The following GRIN2B variants were observed in gnomAD, a reference collection of about 807,000 sequenced individuals.
GRIN2B encodes glutamate receptor ionotropic, NMDA 2B.
A neutral mutation model predicts 114.5 loss-of-function variants in GRIN2B; 5 were observed. The observed-to-expected ratio is 0.04, with a 90% CI of 0.02 to 0.09. GRIN2B has a LOEUF of 0.09. GRIN2B is among the 10% of genes least tolerant of loss of function. GRIN2B has a pLI of 1.00. For synonymous variants in GRIN2B, 787 were observed against 745.1 expected (o/e 1.06, Z -0.92); for missense variants, 1,108 against 1,943.5 (o/e 0.57, Z 8.08).
intron 3 of GRIN2B, among the ~76,000 whole-genome samples, chr12:13,847,470 G>A (rs1258511903): frequency 6.6e-6 from 1 of 152,126 alleles, no homozygotes; most frequent in East Asian, 1.9e-4. Flanking sequence ...CAAAAGTCAA[G>A]AGCAGACCAC....
At chr12:13,909,049 G>A (rs902380571) in intron 2 of GRIN2B, among the ~76,000 whole-genome samples, 2 of 151,980 alleles carry the variant, frequency 1.3e-5, no homozygotes, top group East Asian at 3.9e-4. Context: ...TGTAACAAAC[G>A]CAGGCTCCAA....
At chr12:13,944,776 TA>T (rs1867332986) in intron 2 of GRIN2B, among the ~76,000 whole-genome samples, 2 of 152,178 alleles carry the variant, frequency 1.3e-5, no homozygotes, top group Admixed American at 6.5e-5. Flanking sequence ...CATAGAAATA[TA>T]AAGGCTTTCA....
chr12:13,607,501 A>G (rs1289575267), intron 10 of GRIN2B, among the ~76,000 whole-genome samples: 1 of 123,612 alleles, frequency 8.1e-6, no homozygotes, highest in African/African-American at 3.2e-5. Context: ...TTCTCAAGAT[A>G]CTATTTATCT....
At chr12:13,746,034 T>A (rs77252419) in intron 4 of GRIN2B, among the ~76,000 whole-genome samples, 24,921 of 151,586 alleles carry the variant, frequency 0.16, 2,603 homozygotes, top group Non-Finnish European at 0.24. Context: ...ACAAAAAAAA[T>A]TTTTTAAATA....
At chr12:13,802,208 A>G (rs1864528849) in intron 3 of GRIN2B, among the ~76,000 whole-genome samples, 2 of 152,136 alleles carry the variant, frequency 1.3e-5, no homozygotes. Context: ...AGAATAACAT[A>G]CTATTCACAA....
intron 3 of GRIN2B, among the ~76,000 whole-genome samples, chr12:13,776,715 A>G (rs1864010453): frequency 6.6e-6 from 1 of 152,160 alleles, no homozygotes; most frequent in African/African-American, 2.4e-5. Context: ...CGGAGACAAG[A>G]GAATAAGCAG....
In GRIN2B at chr12:13,872,973, T is replaced by G. The variant is rs369580461; in HGVS notation, c.-18-6747A>C. On this transcript the variant is annotated intron_variant, in intron 2 of 13. Coordinates refer to ENST00000609686, the MANE Select transcript of GRIN2B (RefSeq NM_000834.5). ...TTCTTATCAAAATAATAGTAAGATT[T>G]TAAAAGAAATGCTATAAATTTATTC... 9.9e-4 allele frequency among the ~76,000 whole-genome samples: 150 copies of G among 152,192 alleles called. 3 individuals are homozygous for G. In the South Asian group the frequency reaches 0.025, roughly 26 times the overall value.
intron 2 of GRIN2B, among the ~76,000 whole-genome samples, chr12:13,926,200 A>G (rs1866907823): frequency 6.6e-6 from 1 of 152,128 alleles, no homozygotes; most frequent in African/African-American, 2.4e-5. Context: ...CAGAATGACC[A>G]GGCCAGGGAA....
At chr12:13,836,387 T>C (rs1042490409) in intron 3 of GRIN2B, among the ~76,000 whole-genome samples, 19 of 152,204 alleles carry the variant, frequency 1.2e-4, no homozygotes, top group African/African-American at 4.3e-4. Flanking sequence ...ACATTTTATT[T>C]ATTCAAAAAA....
chr12:13,771,442 A>T (rs190204704), intron 3 of GRIN2B, among the ~76,000 whole-genome samples: 10 of 152,228 alleles, frequency 6.6e-5, no homozygotes, highest in Non-Finnish European at 1.3e-4. Context: ...CAAGGTAACA[A>T]AGCAATAATT....
rs864309560 is a variant in GRIN2B, at chr12:13,567,193, G to A, written c.2430C>T (p.Ser810=). ...CCATGTTGTCAATGTCCAGCTGGCTGCTCATGACCTCATTCTTCTCATTGT... is the reference window on the plus strand; with the variant it reads ...CCATGTTGTCAATGTCCAGCTGGCTACTCATGACCTCATTCTTCTCATTGT... The part of the protein sequence containing the change: ...ICHNEKNEVM[S]SQLDIDNMAG... Residue 810 remains serine, a synonymous_variant, in exon 13 of 14, where the codon AGC becomes AGT. Coordinates refer to ENST00000609686, the MANE Select transcript of GRIN2B (RefSeq NM_000834.5). 6.2e-7 allele frequency: 1 copy of A among 1,614,138 alleles called. No individual in the cohort carries two copies. Among genetic ancestry groups the A allele is most frequent in the Non-Finnish European group, 8.5e-7 (1 of 1,179,996 alleles).
chr12:13,539,262 C>T lies in GRIN2B; in HGVS notation c.*23521G>A, dbSNP rs1186120438. The T allele has an allele frequency of 6.6e-6, 1 of 152,202 alleles. No homozygotes were observed. Among genetic ancestry groups the T allele is most frequent in the Non-Finnish European group, 1.5e-5 (1 of 68,038 alleles). The allele number at this position is 152,202 out of a possible 1,614,324, so 9.4% of individuals were successfully genotyped here. A position where few individuals can be genotyped will look rare whatever the true frequency, so the allele number is the denominator to read the frequency against. Reference sequence around the variant, plus strand: ...CCAGGGCTGCCATACATGAGCTCACCCAGGCTCCTTGGCCATGAGACAGAG... The same window carrying T: ...CCAGGGCTGCCATACATGAGCTCACTCAGGCTCCTTGGCCATGAGACAGAG... On this transcript the variant is annotated 3_prime_UTR_variant, in exon 14 of 14. Coordinates refer to ENST00000609686, the MANE Select transcript of GRIN2B (RefSeq NM_000834.5).
intron 10 of GRIN2B, among the ~76,000 whole-genome samples, chr12:13,584,848 G>C (rs1392003592): frequency 1.3e-5 from 2 of 152,208 alleles, no homozygotes; most frequent in South Asian, 4.1e-4. Flanking sequence ...GTGTGTGACA[G>C]GTGGCCTTCG....
chr12:13,626,894 A>G (rs114112697), intron 5 of GRIN2B, among the ~76,000 whole-genome samples: 4,217 of 134,178 alleles, frequency 0.031, 209 homozygotes, highest in African/African-American at 0.11. Context: ...AACTCCACCC[A>G]TGTGATCCTG....
In GRIN2B at chr12:13,866,026, A is replaced by G; in HGVS notation, c.183T>C (p.His61=). ...GTTCCACCCGGGGTACCACGGAGAGATGGTGGAAATCATCTTTCTCGTGGG... is the reference window on the plus strand; with the variant it reads ...GTTCCACCCGGGGTACCACGGAGAGGTGGTGGAAATCATCTTTCTCGTGGG... ...KDAHEKDDFH[H]LSVVPRVELV... Residue 61 remains histidine, a synonymous_variant, in exon 3 of 14, where the codon CAT becomes CAC. Coordinates refer to ENST00000609686, the MANE Select transcript of GRIN2B (RefSeq NM_000834.5). 1 of 1,613,912 alleles carries G rather than the reference A, an allele frequency of 6.2e-7. No individual in the cohort carries two copies. The highest frequency in any genetic ancestry group is 8.5e-7 in the Non-Finnish European group (1 of 1,179,922).
In GRIN2B at chr12:13,615,410, A is replaced by G; in HGVS notation, c.1500+83T>C. ...CCATTTTATATTTTCTGAAATGCAT[A>G]AAGTGAGCACGTTTTAAACTTATAT... On this transcript the variant is annotated intron_variant, in intron 7 of 13. Coordinates refer to ENST00000609686, the MANE Select transcript of GRIN2B (RefSeq NM_000834.5). This position sits in a 1 kb window ranked among gnomAD's most constrained non-coding sequence, Gnocchi z 5.8. 6.9e-7 allele frequency: 1 copy of G among 1,457,516 alleles called. No homozygotes were observed. Among genetic ancestry groups the G allele is most frequent in the Non-Finnish European group, 9.6e-7 (1 of 1,037,348 alleles). 90.3% of individuals were successfully genotyped at this position (1,457,516 alleles called of 1,614,324 possible).
chr12:13,663,331 A>T (rs1949942735), intron 5 of GRIN2B, among the ~76,000 whole-genome samples: 1 of 152,180 alleles, frequency 6.6e-6, no homozygotes, highest in Non-Finnish European at 1.5e-5. Context: ...AATAAGGAAG[A>T]CATAAAGGGA....
intron 3 of GRIN2B, among the ~76,000 whole-genome samples, chr12:13,835,329 G>T (rs993527094): frequency 2.0e-5 from 3 of 152,126 alleles, no homozygotes; most frequent in Non-Finnish European, 2.9e-5. Context: ...TGAGGCGCAT[G>T]CACCCTCATT....
Position 13,725,677 on chromosome 12 carries a change from T to C in GRIN2B, c.1010+27640A>G, listed in dbSNP as rs189353244. 2.9e-4 allele frequency among the ~76,000 whole-genome samples: 44 copies of C among 152,250 alleles called. 1 individual carries two copies. The Middle Eastern group carries it at 0.014, about 47-fold the overall frequency. On this transcript the variant is annotated intron_variant, in intron 4 of 13. Transcript: ENST00000609686. ...TTATGGAAAAGCATCACAAAACTAT[T>C]ATAGAATACAGACAGCTAGAATATT... is the stretch of plus-strand genomic sequence containing the variant.
Sources: allele counts gnomAD v4.1 joint callset (sites outside exome capture counted in the v4.1 genomes callset), GRCh38; gene constraint gnomAD v4.1.1; non-coding constraint Gnocchi (gnomAD v3.1); transcripts MANE v1.5; gene names NCBI Gene and HGNC (gene_info 2026-07-23, HGNC 2026-07-21).